MEIKIN: variants seen among roughly 807,000 people sequenced by gnomAD.
The protein encoded by MEIKIN is meiotic kinetochore factor, also known as meiosis-specific kinetochore protein.
At chr5:131,872,476 T>G (rs1232021554) in intron 9 of MEIKIN, among the ~76,000 whole-genome samples, 1 of 152,152 alleles carries the variant, frequency 6.6e-6, no homozygotes, top group East Asian at 1.9e-4. Flanking sequence ...TGAACAAGGC[T>G]TCCAAGAAAT....
intron 5 of MEIKIN, among the ~76,000 whole-genome samples, chr5:131,932,810 C>G (rs139915782): frequency 6.6e-6 from 1 of 152,270 alleles, no homozygotes; most frequent in East Asian, 1.9e-4. Flanking sequence ...TTTTTGACAT[C>G]TATTTACAAG....
intron 8 of MEIKIN, among the ~76,000 whole-genome samples, chr5:131,881,496 A>G (rs937942604): frequency 3.3e-5 from 5 of 152,050 alleles, no homozygotes; most frequent in African/African-American, 4.8e-5. Flanking sequence ...TTTACCTCCT[A>G]CATGATTTCA....
intron 7 of MEIKIN, among the ~76,000 whole-genome samples, chr5:131,912,790 A>G (rs1478045525): frequency 6.6e-6 from 1 of 152,142 alleles, no homozygotes; most frequent in Non-Finnish European, 1.5e-5. Flanking sequence ...GTTCAGTGTA[A>G]TATTACAAAT....
At chr5:131,896,620 CT>C (rs1751056370) in intron 8 of MEIKIN, among the ~76,000 whole-genome samples, 1 of 152,170 alleles carries the variant, frequency 6.6e-6, no homozygotes, top group South Asian at 2.1e-4. Context: ...GAATTGATCC[CT>C]TTACCATTAT....
chr5:131,912,705 T>A (rs574249965), intron 7 of MEIKIN, among the ~76,000 whole-genome samples: 1 of 152,330 alleles, frequency 6.6e-6, no homozygotes, highest in African/African-American at 2.4e-5. Context: ...TGAATGAACT[T>A]TCAGGTAGAT....
intron 4 of MEIKIN, among the ~76,000 whole-genome samples, chr5:131,941,793 A>AT (rs1305511723): frequency 6.6e-6 from 1 of 152,172 alleles, no homozygotes; most frequent in Non-Finnish European, 1.5e-5. Flanking sequence ...TCTTCAAACC[A>AT]GTTTTTCTTT....
chr5:131,866,661 T>C (rs570081604), intron 9 of MEIKIN, among the ~76,000 whole-genome samples: 21 of 152,080 alleles, frequency 1.4e-4, no homozygotes, highest in African/African-American at 1.9e-4. Context: ...GGGAATAGGA[T>C]TGCTGTCTGT....
intron 11 of MEIKIN, among the ~76,000 whole-genome samples, chr5:131,845,781 G>A (rs987088614): frequency 8.5e-5 from 13 of 152,122 alleles, no homozygotes; most frequent in African/African-American, 2.6e-4. Context: ...AATGAACAGT[G>A]TAAGAGACCT....
chr5:131,813,136 C>A (rs1422896475), intron 12 of MEIKIN, among the ~76,000 whole-genome samples: 1 of 152,134 alleles, frequency 6.6e-6, no homozygotes, highest in South Asian at 2.1e-4. Flanking sequence ...TGTCCATGGC[C>A]CCCACCCTGG....
intron 8 of MEIKIN, among the ~76,000 whole-genome samples, chr5:131,893,871 T>G (rs1750984518): frequency 6.6e-6 from 1 of 152,228 alleles, no homozygotes; most frequent in African/African-American, 2.4e-5. Context: ...TGATTGTAGT[T>G]TATTTTGCTG....
intron 8 of MEIKIN, among the ~76,000 whole-genome samples, chr5:131,889,753 A>G (rs1750872937): frequency 6.6e-6 from 1 of 152,198 alleles, no homozygotes; most frequent in Admixed American, 6.5e-5. Flanking sequence ...ACTATGTTGA[A>G]TAGGAGTAAT....
intron 5 of MEIKIN, among the ~76,000 whole-genome samples, chr5:131,923,760 A>C (rs762826103): frequency 6.6e-6 from 1 of 151,098 alleles, no homozygotes; most frequent in Non-Finnish European, 1.5e-5. Context: ...TTTTCCTCCT[A>C]CTTAATTTCC....
rs1239420137 is a variant in MEIKIN at position 131,894,473 on chromosome 5, TA to T, written c.704-15426del. ...AGCTTGATCGGGATGGCACTGAATC[TA>T]TAAATTACCTTGGGCAGTATGGCCA... is the stretch of plus-strand genomic sequence containing the variant. On this transcript the variant is annotated intron_variant, in intron 8 of 12. Coordinates refer to ENST00000442687, the MANE Select transcript of MEIKIN (RefSeq NM_001303622.2). Among the ~76,000 whole-genome samples, 33 of 152,360 alleles carry T rather than the reference TA, an allele frequency of 2.2e-4. No homozygotes were observed. In the South Asian group the frequency reaches 3.7e-3, roughly 17 times the overall value.
intron 9 of MEIKIN, among the ~76,000 whole-genome samples, chr5:131,874,673 T>C (rs369822563): frequency 2.5e-4 from 38 of 152,168 alleles, no homozygotes; most frequent in African/African-American, 5.3e-4. Flanking sequence ...GATACCAAAG[T>C]CTGGCAGAGA....
intron 11 of MEIKIN, among the ~76,000 whole-genome samples, chr5:131,840,951 C>T (rs1604080): frequency 0.78 from 118,635 of 152,142 alleles, 46,470 homozygotes; most frequent in Middle Eastern, 0.83. Flanking sequence ...AGTTTTCATG[C>T]GCTGGTTCTT....
chr5:131,868,294 A>G (rs555242402), intron 9 of MEIKIN, among the ~76,000 whole-genome samples: 1 of 152,268 alleles, frequency 6.6e-6, no homozygotes, highest in Admixed American at 6.5e-5. Context: ...CATGTTGCCC[A>G]GGCTAGTCTT....
At chr5:131,867,899 AT>A (rs1302792343) in intron 9 of MEIKIN, among the ~76,000 whole-genome samples, 4 of 152,216 alleles carry the variant, frequency 2.6e-5, no homozygotes, top group Non-Finnish European at 4.4e-5. Flanking sequence ...AAGGAATGTA[AT>A]TGCTGGATCA....
chr5:131,815,230 C>T (rs980167260), intron 12 of MEIKIN, among the ~76,000 whole-genome samples: 3 of 152,172 alleles, frequency 2.0e-5, no homozygotes, highest in Non-Finnish European at 4.4e-5. Context: ...CCTTATCATG[C>T]TAAAGAAGCT....
At chr5:131,821,998 T>A (rs1450232536) in intron 11 of MEIKIN, among the ~76,000 whole-genome samples, 1 of 152,312 alleles carries the variant, frequency 6.6e-6, no homozygotes, top group East Asian at 1.9e-4. Context: ...GTATTCACAA[T>A]CATTATATGC....
Sources: gnomAD v4.1 joint callset for allele counts (sites outside exome capture counted in the v4.1 genomes callset) on GRCh38, gnomAD v4.1.1 for gene constraint, MANE v1.5 for transcripts, NCBI Gene and HGNC (gene_info 2026-07-23, HGNC 2026-07-21) for gene names.